IGF2BP2: variants seen among roughly 807,000 people sequenced by gnomAD.
The protein encoded by IGF2BP2 is insulin like growth factor 2 mRNA binding protein 2, also known as insulin-like growth factor 2 mRNA-binding protein 2.
In IGF2BP2, 17 loss-of-function variants were observed where a neutral mutation model predicts 75.8. The ratio of observed to expected loss-of-function variants is 0.22; its 90% CI spans 0.15 to 0.34. The LOEUF is 0.34. Among genes scored for constraint, IGF2BP2 ranks in the 10% least tolerant of loss-of-function variants. The pLI, the probability that IGF2BP2 is intolerant of heterozygous loss-of-function variation, is 1.00. For missense variants in IGF2BP2, 516 were observed against 772.4 expected, an observed-to-expected ratio of 0.67 and a Z score of 3.93; for synonymous variants, 288 against 295.6, an observed-to-expected ratio of 0.97 and a Z score of 0.26.
chr3:185,679,234 T>C (rs939789564), intron 7 of IGF2BP2, among the ~76,000 whole-genome samples: 1 of 152,178 alleles, frequency 6.6e-6, no homozygotes, highest in Non-Finnish European at 1.5e-5. Flanking sequence ...ATTTTTATTA[T>C]AGTGATGTGC....
chr3:185,772,613 G>A (rs139806545), intron 2 of IGF2BP2, among the ~76,000 whole-genome samples: 1,496 of 124,006 alleles, frequency 0.012, 10 homozygotes, highest in Non-Finnish European at 0.017. Flanking sequence ...ACAAAGTCTC[G>A]CTGTGTCGCC....
intron 6 of IGF2BP2, 58 bp downstream of exon 6, chr3:185,689,297 C>A: frequency 6.4e-7 from 1 of 1,566,376 alleles, no homozygotes. Context: ...TGGCTGAGAC[C>A]CACCAGCACG....
intron 10 of IGF2BP2, among the ~76,000 whole-genome samples, chr3:185,660,045 C>A (rs1716171627): frequency 6.6e-6 from 1 of 152,210 alleles, no homozygotes; most frequent in South Asian, 2.1e-4. Flanking sequence ...CCACCCGCCT[C>A]AGCCTCCCTT....
intron 2 of IGF2BP2, among the ~76,000 whole-genome samples, chr3:185,812,041 A>G (rs1200030718): frequency 6.6e-6 from 1 of 152,166 alleles, no homozygotes; most frequent in Non-Finnish European, 1.5e-5. Flanking sequence ...CTGTTTTTGA[A>G]CAAAAATCAT....
Position 185,732,300 on chromosome 3 carries a change from C to T in IGF2BP2, c.240-33953G>A, listed in dbSNP as rs116336616. The stretch of plus-strand genomic sequence containing the variant: ...ATGCAGAGCGAAACTCAGAAAAGAT[C>T]TGTTGGATTAATAAAACCAAGCAAC... On this transcript the variant is annotated intron_variant, in intron 2 of 15. Coordinates refer to ENST00000382199, the MANE Select transcript of IGF2BP2 (RefSeq NM_006548.6). Among the ~76,000 whole-genome samples, 1,081 of 152,330 alleles carry T rather than the reference C, an allele frequency of 7.1e-3. 18 individuals are homozygous for T. Among genetic ancestry groups the T allele is most frequent in the African/African-American group, 0.024 (1,007 of 41,560 alleles).
Position 185,726,946 on chromosome 3 carries a change from C to T in IGF2BP2, c.240-28599G>A, listed in dbSNP as rs148531736. The stretch of plus-strand genomic sequence containing the variant: ...AGAAGAAATTACAGGAGGCCGAGCA[C>T]GGTGGCTCACGCCTGTAATCCCAGC... On this transcript the variant is annotated intron_variant, in intron 2 of 15. Transcript: ENST00000382199. Among the ~76,000 whole-genome samples the T allele has an allele frequency of 4.2e-3, 633 of 152,244 alleles. 6 individuals are homozygous for T. The highest frequency in any genetic ancestry group is 0.014 in the African/African-American group (599 of 41,542).
chr3:185,780,876 G>A (rs986996017), intron 2 of IGF2BP2, among the ~76,000 whole-genome samples: 1 of 152,156 alleles, frequency 6.6e-6, no homozygotes, highest in Non-Finnish European at 1.5e-5. Context: ...TAACCAGTAA[G>A]TGGCAAAGCT....
chr3:185,811,195 AAAT>A (rs1739773165), intron 2 of IGF2BP2, among the ~76,000 whole-genome samples: 1 of 152,176 alleles, frequency 6.6e-6, no homozygotes, highest in African/African-American at 2.4e-5. Context: ...TTAATAGGTA[AAAT>A]AATAACTGAT....
rs1299170521 is a variant in IGF2BP2 at position 185,681,599 on chromosome 3, G to GTA, written c.812+5457_812+5458insTA. On this transcript the variant is annotated intron_variant, in intron 7 of 15. Transcript: ENST00000382199. ...AGAAAAATTCATATGGAATCTCAAG[G>GTA]GACCTTGAATAGCCAAAATGATTTC... is the stretch of plus-strand genomic sequence containing the variant. Among the ~76,000 whole-genome samples, 3 of 152,232 alleles carry GTA rather than the reference G, an allele frequency of 2.0e-5. No homozygotes were observed. In the South Asian group the frequency reaches 6.2e-4, roughly 32 times the overall value.
intron 2 of IGF2BP2, among the ~76,000 whole-genome samples, chr3:185,765,085 C>CCATTCCT (rs2149713374): frequency 6.6e-6 from 1 of 152,300 alleles, no homozygotes; most frequent in African/African-American, 2.4e-5. Flanking sequence ...GCCCCTCCTA[C>CCATTCCT]CCGTTTATGA....
At chr3:185,724,897 T>C (rs1727095050) in intron 2 of IGF2BP2, 1 of 152,154 alleles carries the variant, frequency 6.6e-6, no homozygotes, top group South Asian at 2.1e-4. Flanking sequence ...ACAGTGATAG[T>C]TTGTGACTGC....
chr3:185,713,271 T>C, intron 2 of IGF2BP2: 1 of 367,250 alleles, frequency 2.7e-6, no homozygotes, highest in South Asian at 2.1e-5. Flanking sequence ...GGTTAATTAG[T>C]AATATAGGGA....
intron 2 of IGF2BP2, among the ~76,000 whole-genome samples, chr3:185,739,190 A>G (rs959696013): frequency 6.6e-5 from 10 of 152,178 alleles, no homozygotes; most frequent in African/African-American, 1.9e-4. Flanking sequence ...GTGGACTTAA[A>G]ACAAAACGAA....
At chr3:185,796,312 C>G (rs889997106) in intron 2 of IGF2BP2, among the ~76,000 whole-genome samples, 12 of 151,994 alleles carry the variant, frequency 7.9e-5, no homozygotes, top group African/African-American at 2.9e-4. Flanking sequence ...CCTGTAATCC[C>G]AGTACTTTGG....
chr3:185,647,238 G>C lies in IGF2BP2; in HGVS notation c.1594-100C>G. The stretch of plus-strand genomic sequence containing the variant: ...GGGCCAAGAGGTGGAGCAGGGGAAG[G>C]AGGGGGGCTGGACTCTGCTCTCCTT... On this transcript the variant is annotated intron_variant, in intron 14 of 15. Transcript: ENST00000382199. The surrounding 1 kb of genome is among the most constrained non-coding windows in gnomAD (Gnocchi z 4.9). 1.2e-6 allele frequency: 1 copy of C among 852,534 alleles called. No individual in the cohort carries two copies. The highest frequency in any genetic ancestry group is 2.0e-6 in the Non-Finnish European group (1 of 494,876). The allele number at this position is 852,534 out of a possible 1,614,324, so 52.8% of individuals were successfully genotyped here.
At chr3:185,761,456 A>G (rs1024152292) in intron 2 of IGF2BP2, among the ~76,000 whole-genome samples, 3 of 152,238 alleles carry the variant, frequency 2.0e-5, no homozygotes, top group Non-Finnish European at 4.4e-5. Flanking sequence ...ACGTGTCAGC[A>G]TCAGAGAACA....
chr3:185,668,967 C>T (rs1718097505), intron 10 of IGF2BP2, among the ~76,000 whole-genome samples: 1 of 152,038 alleles, frequency 6.6e-6, no homozygotes, highest in African/African-American at 2.4e-5. Flanking sequence ...GCAGTCTGCT[C>T]TAGAACCTAA....
Position 185,809,469 on chromosome 3 carries a change from CGCAAGTTTTAAAAG to C in IGF2BP2, c.239+13670_239+13683del, listed in dbSNP as rs1354155390. ...ATTCCACTAAGGCCAAAGATTCACT[CGCAAGTTTTAAAAG>C]GCTGGGTACAGTGGCTCATGCCTGT... On this transcript the variant is annotated intron_variant, in intron 2 of 15. Coordinates refer to ENST00000382199, the MANE Select transcript of IGF2BP2 (RefSeq NM_006548.6). Among the ~76,000 whole-genome samples, 12 of 152,142 alleles carry C rather than the reference CGCAAGTTTTAAAAG, an allele frequency of 7.9e-5. No homozygotes were observed. The South Asian group carries it at 1.9e-3, about 24-fold the overall frequency.
intron 2 of IGF2BP2, among the ~76,000 whole-genome samples, chr3:185,705,983 C>A (rs1723967523): frequency 6.6e-6 from 1 of 152,178 alleles, no homozygotes; most frequent in South Asian, 2.1e-4. Flanking sequence ...TCCCCACAGC[C>A]CTCTCAGAGC....
Sources: allele counts gnomAD v4.1 joint callset (sites outside exome capture counted in the v4.1 genomes callset), GRCh38; gene constraint gnomAD v4.1.1; non-coding constraint Gnocchi (gnomAD v3.1); transcripts MANE v1.5; gene names NCBI Gene and HGNC (gene_info 2026-07-23, HGNC 2026-07-21).